ABI1: variants seen among roughly 807,000 people sequenced by gnomAD.
The protein encoded by ABI1 is abl interactor 1, also known as Abelson interactor 1.
A neutral mutation model predicts 54.6 loss-of-function variants in ABI1; 14 were observed. That is an observed-to-expected ratio of 0.26 (90% CI 0.17 to 0.40). ABI1 has a LOEUF of 0.40. Ranked by LOEUF, ABI1 falls within the 10% of genes least tolerant of loss-of-function variation. The pLI, the probability that ABI1 is intolerant of heterozygous loss-of-function variation, is 1.00. For missense variants in ABI1, 443 were observed against 598.3 expected (o/e 0.74, Z 2.71); for synonymous variants, 194 against 209.3 (o/e 0.93, Z 0.63).
intron 2 of ABI1, among the ~76,000 whole-genome samples, chr10:26,817,184 G>C (rs748257264): frequency 6.6e-6 from 1 of 152,044 alleles, no homozygotes; most frequent in Non-Finnish European, 1.5e-5. Flanking sequence ...ATTTTTAGTA[G>C]AGACGGGGTT....
chr10:26,776,962 T>C (rs1841483516), intron 3 of ABI1, 103 bp downstream of exon 3: 1 of 1,062,538 alleles, frequency 9.4e-7, no homozygotes, highest in Admixed American at 2.8e-5. Flanking sequence ...TAATGCCAGC[T>C]GCTAAAGAGA....
chr10:26,849,461 C>T (rs1363183050), intron 1 of ABI1, among the ~76,000 whole-genome samples: 1 of 152,168 alleles, frequency 6.6e-6, no homozygotes, highest in Non-Finnish European at 1.5e-5. Context: ...ACATACAGTA[C>T]TTCTGCTACA....
chr10:26,847,520 G>C (rs2134170098), intron 1 of ABI1, among the ~76,000 whole-genome samples: 1 of 152,200 alleles, frequency 6.6e-6, no homozygotes, highest in South Asian at 2.1e-4. Flanking sequence ...AGCTACTTGG[G>C]AGGTGAGGTG....
chr10:26,835,802 G>T (rs2049029936), intron 1 of ABI1, among the ~76,000 whole-genome samples: 1 of 149,452 alleles, frequency 6.7e-6, no homozygotes, highest in Admixed American at 6.7e-5. Context: ...TTGAGACTGG[G>T]TCCAGGCTAG....
intron 2 of ABI1, among the ~76,000 whole-genome samples, chr10:26,798,529 GCC>G (rs2046346736): frequency 6.6e-6 from 1 of 152,034 alleles, no homozygotes; most frequent in Non-Finnish European, 1.5e-5. Flanking sequence ...AAGGAACACA[GCC>G]CTATCCACAT....
At chr10:26,835,115 A>AC (rs2048975360) in intron 1 of ABI1, among the ~76,000 whole-genome samples, 3 of 149,264 alleles carry the variant, frequency 2.0e-5, no homozygotes, top group Admixed American at 6.7e-5. Flanking sequence ...AAAAAAAAAA[A>AC]CCCACAATGC....
At chr10:26,774,777 C>T (rs961000155) in intron 3 of ABI1, among the ~76,000 whole-genome samples, 10 of 151,760 alleles carry the variant, frequency 6.6e-5, no homozygotes, top group African/African-American at 1.2e-4. Flanking sequence ...GTATGGCAAT[C>T]GTAAGCATGA....
chr10:26,832,886 T>C (rs1266843586), intron 1 of ABI1, among the ~76,000 whole-genome samples: 3 of 152,104 alleles, frequency 2.0e-5, no homozygotes, highest in African/African-American at 4.8e-5. Context: ...TACAGAGTCA[T>C]GGGGACTAGG....
intron 1 of ABI1, among the ~76,000 whole-genome samples, chr10:26,829,947 C>G (rs539310874): frequency 6.6e-6 from 1 of 152,268 alleles, no homozygotes; most frequent in South Asian, 2.1e-4. Flanking sequence ...TGATAAAGAA[C>G]ATTTCCCTCA....
At chr10:26,766,761 G>T (rs186887440) in intron 6 of ABI1, among the ~76,000 whole-genome samples, 5 of 152,128 alleles carry the variant, frequency 3.3e-5, no homozygotes, top group Non-Finnish European at 5.9e-5. Flanking sequence ...CTGGTCCATT[G>T]CCTGATTTTT....
chr10:26,755,940 G>C (rs1327500831), intron 8 of ABI1, among the ~76,000 whole-genome samples, 199 bp from the exon 9 acceptor site: 2 of 152,106 alleles, frequency 1.3e-5, no homozygotes, highest in Non-Finnish European at 2.9e-5. Context: ...AAACCTAAAG[G>C]CCAAGTTGTG....
chr10:26,850,588 G>A lies in ABI1; in HGVS notation c.117+10159C>T, dbSNP rs193231739. Among the ~76,000 whole-genome samples the A allele has an allele frequency of 2.2e-4, 34 of 151,836 alleles. 1 individual carries two copies. The highest frequency in any genetic ancestry group is 4.2e-4 in the South Asian group (2 of 4,810). On this transcript the variant is annotated intron_variant, in intron 1 of 10. Transcript: ENST00000376140. ...CAGGAGAATTGCCTGAACCTGGGAGGCAGAGGTTGCAGTGAGCCAAGACCG... is the reference window on the plus strand; with the variant it reads ...CAGGAGAATTGCCTGAACCTGGGAGACAGAGGTTGCAGTGAGCCAAGACCG...
chr10:26,858,299 A>T (rs1397346667), intron 1 of ABI1, among the ~76,000 whole-genome samples: 2 of 152,038 alleles, frequency 1.3e-5, no homozygotes, highest in Non-Finnish European at 2.9e-5. Flanking sequence ...CTTAGCACCA[A>T]AGTCAGCAGC....
intron 2 of ABI1, among the ~76,000 whole-genome samples, chr10:26,807,950 G>A (rs1165973114): frequency 6.6e-6 from 1 of 152,034 alleles, no homozygotes; most frequent in Non-Finnish European, 1.5e-5. Flanking sequence ...AAATTAGCTG[G>A]GCGTGGTGGT....
intron 4 of ABI1, 136 bp from the exon 5 acceptor site, chr10:26,770,481 T>A: frequency 1.1e-6 from 1 of 933,894 alleles, no homozygotes; most frequent in Non-Finnish European, 1.8e-6. Context: ...ACTTTGGTAC[T>A]ACAGTTTAAA....
chr10:26,796,227 T>A (rs1031788262), intron 2 of ABI1, among the ~76,000 whole-genome samples: 1 of 152,136 alleles, frequency 6.6e-6, no homozygotes, highest in Non-Finnish European at 1.5e-5. Flanking sequence ...AGTTTAGAGA[T>A]CCATGTACAA....
At chr10:26,839,965 G>T (rs1324792705) in intron 1 of ABI1, among the ~76,000 whole-genome samples, 1 of 151,756 alleles carries the variant, frequency 6.6e-6, no homozygotes. Flanking sequence ...ACTCCAGCCG[G>T]GGTGACATAG....
intron 4 of ABI1, among the ~76,000 whole-genome samples, chr10:26,770,762 C>T (rs930029430): frequency 1.3e-5 from 2 of 152,164 alleles, no homozygotes; most frequent in South Asian, 4.1e-4. Context: ...AACAAAGTCA[C>T]ATATGATGTC....
chr10:26,751,504 A>T, intron 10 of ABI1, 94 bp downstream of exon 10: 1 of 1,288,436 alleles, frequency 7.8e-7, no homozygotes, highest in South Asian at 1.6e-5. Flanking sequence ...GCAGTTTAAA[A>T]GGCTGAGAAA....
Sources: allele counts gnomAD v4.1 joint callset (sites outside exome capture counted in the v4.1 genomes callset), GRCh38; gene constraint gnomAD v4.1.1; transcripts MANE v1.5; gene names NCBI Gene and HGNC (gene_info 2026-07-23, HGNC 2026-07-21).